Variants in AMZ2 observed in about 807,000 individuals in gnomAD.
AMZ2 encodes the protein archaelysin family metallopeptidase 2, also known as archaemetzincin-2.
A neutral mutation model predicts 36.7 loss-of-function variants in AMZ2; 26 were observed. The observed-to-expected ratio is 0.71, with a 90% CI of 0.52 to 0.98. The LOEUF is 0.98. Ranked by LOEUF, AMZ2 falls within the 50% of genes least tolerant of loss-of-function variation. The pLI is 0.00. For missense variants in AMZ2, 394 were observed against 430.5 expected, an observed-to-expected ratio of 0.92 and a Z score of 0.75; for synonymous variants, 144 against 149.1, an observed-to-expected ratio of 0.97 and a Z score of 0.25.
In AMZ2 at chr17:68,209,598, GTGTGTGTATATGTATA is replaced by G. The variant is rs1167647425; in HGVS notation, c.-67+3362_-67+3377del. On this transcript the variant is annotated intron_variant, in intron 1 of 7. Coordinates refer to the AMZ2 transcript ENST00000674770. ...TAATTGTGGGTGTGTGTGTGTGTGT[GTGTGTGTATATGTATA>G]TATATATATATATATATATTTTTTT... 1.3e-3 allele frequency among the ~76,000 whole-genome samples: 153 copies of G among 115,840 alleles called. 1 individual carries two copies. Among genetic ancestry groups the G allele is most frequent in the African/African-American group, 4.4e-3 (125 of 28,532 alleles). The allele number at this position is 115,840 out of a possible 152,430, so 76.0% of individuals were successfully genotyped here. A position where few individuals can be genotyped will look rare whatever the true frequency, so the allele number is the denominator to read the frequency against.
At chr17:68,237,102 A>G (rs2073807548) in intron 1 of AMZ2, among the ~76,000 whole-genome samples, 1 of 152,220 alleles carries the variant, frequency 6.6e-6, no homozygotes, top group African/African-American at 2.4e-5. Context: ...AGTGGTGAGC[A>G]TCCATCTTTC....
intron 1 of AMZ2, among the ~76,000 whole-genome samples, chr17:68,210,699 G>A (rs1229633634): frequency 2.0e-5 from 3 of 152,184 alleles, no homozygotes; most frequent in African/African-American, 7.2e-5. Flanking sequence ...TGTAATTCCA[G>A]CACTTTGGGG....
rs1401541251 is a variant in AMZ2 at position 68,248,275 on chromosome 17, A to G, written c.-431A>G. The G allele has an allele frequency of 3.3e-5, 33 of 985,590 alleles. No individual in the cohort carries two copies. Among genetic ancestry groups the G allele is most frequent in the Non-Finnish European group, 4.0e-5 (33 of 830,082 alleles). 61.1% of individuals were successfully genotyped at this position (985,590 alleles called of 1,614,324 possible). A position where few individuals can be genotyped will look rare whatever the true frequency, so the allele number is the denominator to read the frequency against. ...GTCCGCGGGGTCGGTGCCTCTAGGGAGCCAGGGAGGCCTTTCCCGAGGCTC... is the reference window on the plus strand; with the variant it reads ...GTCCGCGGGGTCGGTGCCTCTAGGGGGCCAGGGAGGCCTTTCCCGAGGCTC... On this transcript the variant is annotated 5_prime_UTR_variant, in exon 1 of 7. Transcript: ENST00000359904.
chr17:68,209,628 A>ATTTTTTTTTTT (rs1322446681), intron 1 of AMZ2, among the ~76,000 whole-genome samples: 8 of 98,510 alleles, frequency 8.1e-5, no homozygotes, highest in African/African-American at 4.0e-4. Context: ...ATATATATAT[A>ATTTTTTTTTTT]TATATTTTTT....
chr17:68,226,297 A>G (rs1376057881), intron 1 of AMZ2, among the ~76,000 whole-genome samples: 8 of 152,340 alleles, frequency 5.3e-5, no homozygotes, highest in Admixed American at 5.2e-4. Context: ...TTGTGCCTTA[A>G]GAGTTACGTG....
At chr17:68,209,581 G>GGTGTGTGT (rs71142139) in intron 1 of AMZ2, among the ~76,000 whole-genome samples, 8 of 106,920 alleles carry the variant, frequency 7.5e-5, no homozygotes, top group African/African-American at 2.6e-4. Flanking sequence ...AATAATTGTG[G>GGTGTGTGT]GTGTGTGTGT....
At chr17:68,208,264 C>T (rs1555724878) in intron 1 of AMZ2, among the ~76,000 whole-genome samples, 1 of 152,044 alleles carries the variant, frequency 6.6e-6, no homozygotes, top group East Asian at 2.0e-4. Context: ...CTGGGTGAAG[C>T]CAGCTGGGCT....
intron 1 of AMZ2, among the ~76,000 whole-genome samples, chr17:68,211,269 G>A (rs1555725845): frequency 3.9e-5 from 6 of 152,070 alleles, no homozygotes; most frequent in South Asian, 2.1e-4. Context: ...TTGGGAGGCC[G>A]ATGCGGTAGG....
intron 1 of AMZ2, chr17:68,249,518 C>T (rs73349691): frequency 0.25 from 38,251 of 152,122 alleles, 4,982 homozygotes; most frequent in Admixed American, 0.32. Flanking sequence ...AAGCTGATTT[C>T]AGACTCCTAG....
intron 1 of AMZ2, among the ~76,000 whole-genome samples, chr17:68,233,665 G>A (rs782408057): frequency 1.3e-5 from 2 of 151,978 alleles, no homozygotes; most frequent in Non-Finnish European, 2.9e-5. Context: ...GAGCTTGGAT[G>A]TTACAAGGGT....
In AMZ2 at chr17:68,250,442, C is replaced by A; in HGVS notation, c.255C>A (p.Asn85Lys). Residue 85 changes from asparagine to lysine, a missense_variant, in exon 2 of 7, where the codon AAC (asparagine) becomes AAA (lysine). Coordinates refer to ENST00000359904, the MANE Select transcript of AMZ2 (RefSeq NM_016627.5). ...CTTACAGAAAGACACCCTCTCCAAA[C>A]AAACGCAGCATTTATATACAGTCCA... ...SDPYRKTPSP[N>K]KRSIYIQSIG... 2 of 1,614,126 alleles carry A rather than the reference C, an allele frequency of 1.2e-6. No individual in the cohort carries two copies. The highest frequency in any genetic ancestry group is 1.7e-6 in the Non-Finnish European group (2 of 1,180,018).
At chr17:68,247,660 G>A (rs1436272321), upstream of AMZ2, 3 of 985,366 alleles carry the variant, frequency 3.0e-6, no homozygotes, top group African/African-American at 3.5e-5. Flanking sequence ...GACTCATTTG[G>A]GGCCACGCTG....
intron 1 of AMZ2, among the ~76,000 whole-genome samples, chr17:68,222,874 A>G (rs1241421052): frequency 5.9e-5 from 9 of 152,148 alleles, no homozygotes; most frequent in African/African-American, 1.2e-4. Flanking sequence ...CTAACAAACT[A>G]TGGACCAATA....
chr17:68,257,048 A>G lies in AMZ2; in HGVS notation c.*79A>G. 6.9e-7 allele frequency: 1 copy of G among 1,448,566 alleles called. No homozygotes were observed. Among genetic ancestry groups the G allele is most frequent in the Non-Finnish European group, 9.5e-7 (1 of 1,057,068 alleles). The allele number at this position is 1,448,566 out of a possible 1,614,324, so 89.7% of individuals were successfully genotyped here. A position where few individuals can be genotyped will look rare whatever the true frequency, so the allele number is the denominator to read the frequency against. On this transcript the variant is annotated 3_prime_UTR_variant, in exon 7 of 7. Transcript: ENST00000359904. ...CATTTGGGTGGAATACTTCATTGGAATAAACTACTGATCTTGTGCTGTGTC... is the reference window on the plus strand; with the variant it reads ...CATTTGGGTGGAATACTTCATTGGAGTAAACTACTGATCTTGTGCTGTGTC...
intron 1 of AMZ2, among the ~76,000 whole-genome samples, chr17:68,219,139 G>T (rs2073278047): frequency 6.6e-6 from 1 of 152,114 alleles, no homozygotes; most frequent in South Asian, 2.1e-4. Flanking sequence ...GGCTAATTTT[G>T]TATTTTTAGT....
intron 1 of AMZ2, among the ~76,000 whole-genome samples, chr17:68,210,122 T>C (rs1310889244): frequency 6.6e-6 from 1 of 152,178 alleles, no homozygotes; most frequent in Non-Finnish European, 1.5e-5. Flanking sequence ...GGAAAATGCT[T>C]TGGCAGTTAC....
At position 68,250,089 on chromosome 17, in the gene AMZ2, T is replaced by G. The variant is rs1599408893; in HGVS notation, c.1-99T>G. 3.0e-6 allele frequency: 4 copies of G among 1,318,156 alleles called. No homozygotes were observed. In the East Asian group the frequency reaches 9.4e-5, roughly 31 times the overall value. 81.7% of individuals were successfully genotyped at this position (1,318,156 alleles called of 1,614,324 possible). Reference sequence around the variant, plus strand: ...TCTAAAGCATTAGCAATCAGTCATTTCACTCTAGGGAGAAATCAGAGCTGA... The same window carrying G: ...TCTAAAGCATTAGCAATCAGTCATTGCACTCTAGGGAGAAATCAGAGCTGA... On this transcript the variant is annotated intron_variant, in intron 1 of 6. Coordinates refer to ENST00000359904, the MANE Select transcript of AMZ2 (RefSeq NM_016627.5).
intron 1 of AMZ2, among the ~76,000 whole-genome samples, chr17:68,221,472 G>C (rs1599304587): frequency 6.6e-6 from 1 of 152,072 alleles, no homozygotes; most frequent in Non-Finnish European, 1.5e-5. Context: ...GCTCACGCCT[G>C]TAATCCCAGC....
At chr17:68,249,775 T>C (rs2074305635) in intron 1 of AMZ2, 1 of 173,134 alleles carries the variant, frequency 5.8e-6, no homozygotes, top group South Asian at 1.1e-4. Flanking sequence ...GCCTCCCTGG[T>C]AGCTAGGACC....
Sources: allele counts gnomAD v4.1 joint callset (sites outside exome capture counted in the v4.1 genomes callset), GRCh38; gene constraint gnomAD v4.1.1; transcripts MANE v1.5; gene names NCBI Gene and HGNC (gene_info 2026-07-23, HGNC 2026-07-21).